GP2: variants seen among roughly 807,000 people sequenced by gnomAD.
GP2 encodes pancreatic secretory granule membrane major glycoprotein GP2.
Under a neutral mutation model 60.8 loss-of-function variants are expected in GP2, and 58 were observed. The ratio of observed to expected loss-of-function variants is 0.95; its 90% CI spans 0.77 to 1.19. The LOEUF (loss-of-function observed/expected upper bound fraction) is 1.19, where lower values mean the gene tolerates loss of function less well. GP2 is among the 50% of genes most tolerant of loss of function. The pLI is 0.00. For missense variants in GP2, 647 were observed against 667.4 expected (o/e 0.97, Z 0.34); for synonymous variants, 280 against 253.4 (o/e 1.10, Z -1.00).
chr16:20,312,430 T>C (rs1774841031), intron 10 of GP2, among the ~76,000 whole-genome samples: 1 of 152,188 alleles, frequency 6.6e-6, no homozygotes, highest in Non-Finnish European at 1.5e-5. Flanking sequence ...TCAAAGATGA[T>C]TGTGATAGCA....
In GP2 at chr16:20,323,891, C is replaced by G; in HGVS notation, c.460G>C (p.Val154Leu). 2 of 1,614,136 alleles carry G rather than the reference C, an allele frequency of 1.2e-6. No individual in the cohort carries two copies. The highest frequency in any genetic ancestry group is 1.7e-6 in the Non-Finnish European group (2 of 1,179,996). Residue 154 changes from valine (V) to leucine (L), a missense_variant, in exon 3 of 11, where the codon GTG (valine) becomes CTG (leucine). Coordinates refer to ENST00000302555, the MANE Select transcript of GP2 (RefSeq NM_001502.4). ...TGGTACCCGCCTGGGCAGGCCTTCA[C>G]CAGCACCTCTGTTTTCCAGAAACAG... ...NCCFWKTEVL[V>L]KACPGGYHVY... is the part of the protein sequence containing the mutation.
chr16:20,324,012 G>T lies in GP2; in HGVS notation c.339C>A (p.Cys113Ter), dbSNP rs747994762. ...MSETCVQVHR[C>*]QTDAPMWLNG... The stretch of plus-strand genomic sequence containing the variant: ...TCAGCCACATGGGAGCGTCTGTCTG[G>T]CATCGGTGCACCTGGACACAGGTCT... Residue 113 changes from cysteine to a stop codon, truncating the protein, a stop_gained, in exon 3 of 11, where the codon TGC becomes TGA. Transcript: ENST00000302555. LOFTEE classifies it high-confidence loss of function. 47 of 1,613,890 alleles carry T rather than the reference G, an allele frequency of 2.9e-5. No homozygotes were observed. Among genetic ancestry groups the T allele is most frequent in the Non-Finnish European group, 2.0e-5 (24 of 1,179,862 alleles).
intron 6 of GP2, 72 bp from the exon 7 acceptor site, chr16:20,318,502 A>G (rs989416130): frequency 1.4e-6 from 2 of 1,410,540 alleles, no homozygotes; most frequent in Admixed American, 3.7e-5. Context: ...CTTACTTAAC[A>G]CACTTACGAA....
At position 20,324,207 on chromosome 16, in the gene GP2, G is replaced by A. The variant is rs781697125; in HGVS notation, c.144C>T (p.Cys48=). 2.7e-5 allele frequency: 44 copies of A among 1,613,280 alleles called. No individual in the cohort carries two copies. Among genetic ancestry groups the A allele is most frequent in the Non-Finnish European group, 3.6e-5 (42 of 1,179,392 alleles). Residue 48 remains cysteine (C), a synonymous_variant, in exon 3 of 11, where the codon TGC becomes TGT. Coordinates refer to ENST00000302555, the MANE Select transcript of GP2 (RefSeq NM_001502.4). ...GAGCCTCTGGGGTGCCAGGAGCTCCGCAGTCCAGGTCCAGCCCATACGAAC... is the reference window on the plus strand; with the variant it reads ...GAGCCTCTGGGGTGCCAGGAGCTCCACAGTCCAGGTCCAGCCCATACGAAC... The part of the protein sequence containing the change: ...EASSYGLDLD[C]GAPGTPEAHV...
chr16:20,327,447 GGGCTTA>G lies in GP2; in HGVS notation c.-37+14_-37+19del. ...CCCAGGATTAGGAGGAAGCCTCCTGGGGCTTAAAGCAGGACTTACCTCCGATGAGAA... is the reference window on the plus strand; with the variant it reads ...CCCAGGATTAGGAGGAAGCCTCCTGGAAGCAGGACTTACCTCCGATGAGAA... On this transcript the variant is annotated intron_variant, in intron 1 of 10. Coordinates refer to ENST00000302555, the MANE Select transcript of GP2 (RefSeq NM_001502.4). The G allele has an allele frequency of 3.9e-6, 5 of 1,278,520 alleles. No homozygotes were observed. In the South Asian group the frequency reaches 6.3e-5, roughly 16 times the overall value. The allele number at this position is 1,278,520 out of a possible 1,614,324, so 79.2% of individuals were successfully genotyped here. A position where few individuals can be genotyped will look rare whatever the true frequency, so the allele number is the denominator to read the frequency against.
At chr16:20,327,106 G>A (rs1964555660) in intron 1 of GP2, among the ~76,000 whole-genome samples, 1 of 152,218 alleles carries the variant, frequency 6.6e-6, no homozygotes, top group African/African-American at 2.4e-5. Flanking sequence ...GAAGACTTCA[G>A]TGGAAAATAG....
intron 4 of GP2, among the ~76,000 whole-genome samples, 198 bp from the exon 5 acceptor site, chr16:20,320,671 A>G (rs377161564): frequency 1.8e-4 from 27 of 152,286 alleles, no homozygotes; most frequent in African/African-American, 6.5e-4. Context: ...CAAGTGTCCT[A>G]TGTGCAGGCT....
chr16:20,323,665 C>G, intron 3 of GP2, 151 bp downstream of exon 3: 1 of 621,094 alleles, frequency 1.6e-6, no homozygotes, highest in Non-Finnish European at 2.9e-6. Context: ...AAGGTCTCAA[C>G]CCCTGTGTTG....
At position 20,322,482 on chromosome 16, in the gene GP2, A is replaced by G. The variant is rs1259193589; in HGVS notation, c.646+387T>C. Among the ~76,000 whole-genome samples, 4 of 152,164 alleles carry G rather than the reference A, an allele frequency of 2.6e-5. No individual in the cohort carries two copies. In the South Asian group the frequency reaches 8.3e-4, roughly 32 times the overall value. On this transcript the variant is annotated intron_variant, in intron 4 of 10. Transcript: ENST00000302555. ...TTATCCTCATTTTACAGATGAGGAT[A>G]TTCAGGCTCAGAGACAGTAGTGACT... is the stretch of plus-strand genomic sequence containing the variant.
intron 4 of GP2, among the ~76,000 whole-genome samples, chr16:20,321,543 C>T (rs1964356822): frequency 6.6e-6 from 1 of 152,112 alleles, no homozygotes; most frequent in Non-Finnish European, 1.5e-5. Flanking sequence ...CTATCTGAGT[C>T]TCTTGGTGAA....
chr16:20,320,384 C>T lies in GP2; in HGVS notation c.736G>A (p.Gly246Arg). ...CGCAGGTAGGCAATGACCTCCTCCCCCAAACCCAGGCCTCCCAGCAAACAT... is the reference window on the plus strand; with the variant it reads ...CGCAGGTAGGCAATGACCTCCTCCCTCAAACCCAGGCCTCCCAGCAAACAT... ...DKCLLGGLGL[G>R]EEVIAYLRDP... Residue 246 changes from glycine (G) to arginine (R), a missense_variant, in exon 5 of 11, where the codon GGG becomes AGG. By Grantham distance (125) the Gly-to-Arg change is moderately radical (BLOSUM62 -2). Coordinates refer to ENST00000302555, the MANE Select transcript of GP2 (RefSeq NM_001502.4). 1.2e-6 allele frequency: 2 copies of T among 1,613,916 alleles called. No individual in the cohort carries two copies. The highest frequency in any genetic ancestry group is 1.7e-6 in the Non-Finnish European group (2 of 1,179,776).
intron 4 of GP2, 55 bp from the exon 5 acceptor site, chr16:20,320,528 T>A: frequency 8.6e-7 from 1 of 1,164,484 alleles, no homozygotes; most frequent in Non-Finnish European, 1.3e-6. Context: ...AAGCCCACTT[T>A]CCCTACTCTT....
At chr16:20,316,972 C>A (rs558080250) in intron 8 of GP2, among the ~76,000 whole-genome samples, 1 of 148,308 alleles carries the variant, frequency 6.7e-6, no homozygotes, top group African/African-American at 2.5e-5. Flanking sequence ...CGTCCCCTTC[C>A]CTAATCTTCC....
At chr16:20,320,507 C>T (rs2141603531) in intron 4 of GP2, 34 bp from the exon 5 acceptor site, 1 of 1,453,674 alleles carries the variant, frequency 6.9e-7, no homozygotes, top group East Asian at 2.3e-5. Context: ...GTAGAATGGA[C>T]ATGAGTCTGG....
intron 9 of GP2, 118 bp from the exon 10 acceptor site, chr16:20,314,819 G>C (rs745494684): frequency 7.0e-5 from 54 of 773,888 alleles, no homozygotes; most frequent in Non-Finnish European, 1.2e-4. Flanking sequence ...CAGCAAGTTT[G>C]TGGCCACATT....
intron 4 of GP2, among the ~76,000 whole-genome samples, chr16:20,321,949 G>A (rs1393149622): frequency 6.6e-6 from 1 of 152,120 alleles, no homozygotes; most frequent in East Asian, 1.9e-4. Flanking sequence ...CTCTGTGATG[G>A]GCCCAAACCC....
chr16:20,323,809 T>C lies in GP2; in HGVS notation c.535+7A>G, dbSNP rs371673484. On this transcript the variant is annotated splice_region_variant and intron_variant, in intron 3 of 10. Transcript: ENST00000302555. ...GTAGCTGCCTCCTCCAGGGCTCTGC[T>C]GCTCACCTGTGCAGTATCTCAGATT... is the stretch of plus-strand genomic sequence containing the variant. 1 of 1,590,316 alleles carries C rather than the reference T, an allele frequency of 6.3e-7. No individual in the cohort carries two copies. The highest frequency in any genetic ancestry group is 8.6e-7 in the Non-Finnish European group (1 of 1,164,614).
Position 20,311,125 on chromosome 16 carries a change from C to T in GP2, c.*98G>A, listed in dbSNP as rs917382594. 7.5e-6 allele frequency: 6 copies of T among 796,598 alleles called. No individual in the cohort carries two copies. In the African/African-American group the frequency reaches 8.5e-5, roughly 11 times the overall value. The allele number at this position is 796,598 out of a possible 1,614,324, so 49.3% of individuals were successfully genotyped here. Reference sequence around the variant, plus strand: ...AGCTTGGCCTTGATTCTATTAATACCAAGCCTGTGTGAATTGGAGTGGAAA... The same window carrying T: ...AGCTTGGCCTTGATTCTATTAATACTAAGCCTGTGTGAATTGGAGTGGAAA... On this transcript the variant is annotated 3_prime_UTR_variant, in exon 11 of 11. Transcript: ENST00000302555.
chr16:20,312,966 T>G (rs1964033200), intron 10 of GP2, among the ~76,000 whole-genome samples: 1 of 152,152 alleles, frequency 6.6e-6, no homozygotes. Flanking sequence ...GCTTTTAGAA[T>G]GAGCTCTAAC....
Sources: gnomAD v4.1 joint callset for allele counts (sites outside exome capture counted in the v4.1 genomes callset) on GRCh38, gnomAD v4.1.1 for gene constraint, MANE v1.5 for transcripts, NCBI Gene and HGNC (gene_info 2026-07-23, HGNC 2026-07-21) for gene names.